CDCA7L: variants seen among roughly 807,000 people sequenced by gnomAD.
CDCA7L encodes cell division cycle-associated 7-like protein.
In CDCA7L, 44 loss-of-function variants were observed where a neutral mutation model predicts 57.4. That is an observed-to-expected ratio of 0.77 (90% CI 0.60 to 0.98). The LOEUF is 0.98. Ranked by LOEUF, CDCA7L falls within the 50% of genes least tolerant of loss-of-function variation. The pLI is 0.00. For missense variants in CDCA7L, 644 were observed against 580.6 expected (o/e 1.11, Z -1.12); for synonymous variants, 236 against 202.8 (o/e 1.16, Z -1.39).
chr7:21,908,468 A>G lies in CDCA7L; in HGVS notation c.343T>C (p.Leu115=), dbSNP rs1785210248. The part of the protein sequence containing the change: ...SDLSDDGKAS[L]VSEEEEDEEE... ...TCATCTTCCTCTTCCTCGCTCACCA[A>G]AGATGCTTTGCCATCATCACTCAAA... The change falls in exon 4 of 10, where the codon TTG becomes CTG. Residue 115 remains leucine (L), a synonymous_variant. Coordinates refer to ENST00000406877, the MANE Select transcript of CDCA7L (RefSeq NM_018719.5). 6.5e-7 allele frequency: 1 copy of G among 1,549,376 alleles called. No individual in the cohort carries two copies. Among genetic ancestry groups the G allele is most frequent in the African/African-American group, 1.4e-5 (1 of 72,016 alleles).
intron 1 of CDCA7L, among the ~76,000 whole-genome samples, chr7:21,943,697 G>A (rs1290676396): frequency 6.6e-6 from 1 of 150,778 alleles, no homozygotes; most frequent in African/African-American, 2.4e-5. Context: ...ACACATCTTT[G>A]ATTTGCACTG....
In CDCA7L at chr7:21,903,971, G is replaced by A. The variant is rs923931994; in HGVS notation, c.1197+139C>T. The A allele has an allele frequency of 2.4e-5, 17 of 715,566 alleles. No homozygotes were observed. In the South Asian group the frequency reaches 5.7e-4, roughly 24 times the overall value. 44.3% of individuals were successfully genotyped at this position (715,566 alleles called of 1,614,324 possible). A position where few individuals can be genotyped will look rare whatever the true frequency, so the allele number is the denominator to read the frequency against. ...GGAATCCCTATTTTTCATTTTCCCT[G>A]GAGCCTTAAGATACAAATGGAAGGG... On this transcript the variant is annotated intron_variant, in intron 8 of 9. Coordinates refer to ENST00000406877, the MANE Select transcript of CDCA7L (RefSeq NM_018719.5).
In CDCA7L at chr7:21,906,578, G is replaced by A. The variant is rs1339132951; in HGVS notation, c.743C>T (p.Thr248Ile). Reference protein sequence around the residue: ...MPDFFPVRTPTSASRKKTVRR... With the variant: ...MPDFFPVRTPISASRKKTVRR... ...AGGAGTTCTACTTACAGAAGCTGAG[G>A]TTGGGGTTCGTACTGGGAAGAAATC... The change falls in exon 5 of 10, where the codon ACC becomes ATC. Residue 248 changes from threonine to isoleucine, a missense_variant. Physicochemically the swap from Thr to Ile is moderately conservative, Grantham distance 89 (BLOSUM62 -1). Coordinates refer to ENST00000406877, the MANE Select transcript of CDCA7L (RefSeq NM_018719.5). 6.2e-7 allele frequency: 1 copy of A among 1,614,166 alleles called. No homozygotes were observed. The highest frequency in any genetic ancestry group is 8.5e-7 in the Non-Finnish European group (1 of 1,180,036).
intron 2 of CDCA7L, 109 bp from the exon 3 acceptor site, chr7:21,911,863 C>T (rs746021716): frequency 1.7e-5 from 16 of 933,632 alleles, no homozygotes; most frequent in East Asian, 5.1e-5. Context: ...ATGGAGATGA[C>T]GAAAATGGAT....
chr7:21,944,879 A>C (rs1786468811), intron 1 of CDCA7L: 1 of 152,184 alleles, frequency 6.6e-6, no homozygotes, highest in Non-Finnish European at 1.5e-5. Context: ...CAAGTGGAAA[A>C]AAAAAAAAAA....
At chr7:21,933,533 A>C (rs1786078011) in intron 1 of CDCA7L, among the ~76,000 whole-genome samples, 1 of 152,144 alleles carries the variant, frequency 6.6e-6, no homozygotes, top group Non-Finnish European at 1.5e-5. Context: ...CAGCTAAATT[A>C]TCAGCAAACT....
Position 21,900,971 on chromosome 7 carries a change from T to C in CDCA7L, c.*1351A>G. 6.5e-7 allele frequency: 1 copy of C among 1,534,240 alleles called. No individual in the cohort carries two copies. Among genetic ancestry groups the C allele is most frequent in the Non-Finnish European group, 8.8e-7 (1 of 1,141,896 alleles). On this transcript the variant is annotated 3_prime_UTR_variant, in exon 10 of 10. Coordinates refer to ENST00000406877, the MANE Select transcript of CDCA7L (RefSeq NM_018719.5). ...TTGATCATTATCATTAGTAGCAAGC[T>C]GCCACACAATTGCAACCGCTGTGTT...
chr7:21,905,480 A>T, intron 7 of CDCA7L, 26 bp downstream of exon 7: 1 of 1,611,062 alleles, frequency 6.2e-7, no homozygotes, highest in Non-Finnish European at 8.5e-7. Context: ...ACTCCCAATA[A>T]GAATGACAAT....
intron 7 of CDCA7L, among the ~76,000 whole-genome samples, 200 bp from the exon 8 acceptor site, chr7:21,904,459 G>A (rs1005836985): frequency 1.3e-5 from 2 of 152,158 alleles, no homozygotes; most frequent in African/African-American, 2.4e-5. Flanking sequence ...TCTGTGGCCT[G>A]TTTGGAACCG....
At chr7:21,911,890 G>A (rs1189769897) in intron 2 of CDCA7L, 136 bp from the exon 3 acceptor site, 17 of 676,866 alleles carry the variant, frequency 2.5e-5, no homozygotes, top group Non-Finnish European at 4.0e-5. Context: ...CAATGTGAAT[G>A]TACTTAATGC....
At position 21,903,016 on chromosome 7, in the gene CDCA7L, C is replaced by T; in HGVS notation, c.1296G>A (p.Lys432=). The stretch of plus-strand genomic sequence containing the variant: ...CCTTAACATTGTCATAACCATAAAA[C>T]TTGGCCAGATGAATGAGGATTCCTG... ...CATGILIHLA[K]FYGYDNVKEY... Residue 432 remains lysine, a synonymous_variant, in exon 9 of 10, where the codon AAG becomes AAA. Coordinates refer to ENST00000406877, the MANE Select transcript of CDCA7L (RefSeq NM_018719.5). 1 of 1,613,926 alleles carries T rather than the reference C, an allele frequency of 6.2e-7. No individual in the cohort carries two copies. Among genetic ancestry groups the T allele is most frequent in the Non-Finnish European group, 8.5e-7 (1 of 1,179,788 alleles).
At chr7:21,927,245 G>A (rs975562841) in intron 1 of CDCA7L, among the ~76,000 whole-genome samples, 2 of 152,132 alleles carry the variant, frequency 1.3e-5, no homozygotes, top group Non-Finnish European at 2.9e-5. Flanking sequence ...ACTATCCTAT[G>A]CTGAAAGAAC....
rs576821113 is a variant in CDCA7L, at chr7:21,902,860, C to G, written c.1334+118G>C. 8 of 869,054 alleles carry G rather than the reference C, an allele frequency of 9.2e-6. No individual in the cohort carries two copies. In the South Asian group the frequency reaches 1.2e-4, roughly 13 times the overall value. The allele number at this position is 869,054 out of a possible 1,614,324, so 53.8% of individuals were successfully genotyped here. A position where few individuals can be genotyped will look rare whatever the true frequency, so the allele number is the denominator to read the frequency against. On this transcript the variant is annotated intron_variant, in intron 9 of 9. Transcript: ENST00000406877. ...AAACAGATACAGAATGGATGGTACT[C>G]GTGGTTTATATAAGTAAGTAAGTCA...
At chr7:21,945,345 T>C (rs1786485794) in intron 1 of CDCA7L, among the ~76,000 whole-genome samples, 1 of 150,666 alleles carries the variant, frequency 6.6e-6, no homozygotes, top group Admixed American at 6.6e-5. Context: ...GTTGGACTGG[T>C]CTGGCGATCG....
At chr7:21,915,255 GA>G (rs1349212330) in intron 2 of CDCA7L, among the ~76,000 whole-genome samples, 113 of 152,206 alleles carry the variant, frequency 7.4e-4, no homozygotes, top group African/African-American at 2.7e-3. Context: ...TCAAGATGGG[GA>G]AAGGGGGAAG....
intron 1 of CDCA7L, among the ~76,000 whole-genome samples, 197 bp downstream of exon 1, chr7:21,945,584 G>C (rs1291936676): frequency 1.3e-5 from 2 of 152,116 alleles, no homozygotes; most frequent in Non-Finnish European, 2.9e-5. Flanking sequence ...GGCCTCTGTG[G>C]TCCGCGTAGC....
chr7:21,921,771 CAA>C (rs79353686), intron 1 of CDCA7L, among the ~76,000 whole-genome samples: 8 of 140,600 alleles, frequency 5.7e-5, no homozygotes, highest in Non-Finnish European at 1.2e-4. Context: ...TCTAGTGAAC[CAA>C]AAAAAAAAGG....
At chr7:21,923,591 C>T (rs963998986) in intron 1 of CDCA7L, among the ~76,000 whole-genome samples, 12 of 152,154 alleles carry the variant, frequency 7.9e-5, no homozygotes, top group African/African-American at 2.9e-4. Flanking sequence ...CAAGTCCAGA[C>T]CTTAGCCTAG....
At chr7:21,917,826 T>C (rs1223784366) in intron 1 of CDCA7L, among the ~76,000 whole-genome samples, 1 of 151,940 alleles carries the variant, frequency 6.6e-6, no homozygotes, top group African/African-American at 2.4e-5. Flanking sequence ...ATTCAGCACA[T>C]ATCTCCCACG....
Sources: gnomAD v4.1 joint callset for allele counts (sites outside exome capture counted in the v4.1 genomes callset) on GRCh38, gnomAD v4.1.1 for gene constraint, MANE v1.5 for transcripts, NCBI Gene and HGNC (gene_info 2026-07-23, HGNC 2026-07-21) for gene names.